FRMD4A: variants seen among roughly 807,000 people sequenced by gnomAD.
FRMD4A encodes FERM domain containing 4A, also known as FERM domain-containing protein 4A.
In FRMD4A, 29 loss-of-function variants were observed where a neutral mutation model predicts 129.1. The ratio of observed to expected loss-of-function variants is 0.22; its 90% CI spans 0.17 to 0.31. The LOEUF (loss-of-function observed/expected upper bound fraction) is 0.31, where lower values mean the gene tolerates loss of function less well. Ranked by LOEUF, FRMD4A falls within the 10% of genes least tolerant of loss-of-function variation. FRMD4A has a pLI of 1.00. For synonymous variants in FRMD4A, 634 were observed against 571.6 expected, an observed-to-expected ratio of 1.11 and a Z score of -1.56; for missense variants, 1,272 against 1,375.8, an observed-to-expected ratio of 0.92 and a Z score of 1.19.
intron 2 of FRMD4A, among the ~76,000 whole-genome samples, chr10:14,279,088 T>C (rs1845433921): frequency 1.3e-5 from 2 of 152,024 alleles, no homozygotes; most frequent in African/African-American, 4.8e-5. Flanking sequence ...GCAGTGAACC[T>C]GATGGCCTTG....
intron 2 of FRMD4A, chr10:13,891,830 C>G (rs2094701380): frequency 1.3e-6 from 1 of 769,616 alleles, no homozygotes; most frequent in Non-Finnish European, 1.6e-6. Flanking sequence ...TCGCGCCTCT[C>G]GCGCCGAGCC....
At chr10:14,182,688 A>G (rs7901509) in intron 2 of FRMD4A, among the ~76,000 whole-genome samples, 52,871 of 152,034 alleles carry the variant, frequency 0.35, 9,301 homozygotes, top group African/African-American at 0.37. Context: ...GTGGACACAT[A>G]TGCTGAGAAC....
chr10:14,219,826 T>A (rs1175698050), intron 2 of FRMD4A, among the ~76,000 whole-genome samples: 1 of 152,118 alleles, frequency 6.6e-6, no homozygotes, highest in East Asian at 1.9e-4. Context: ...ATGTTTTTGG[T>A]CAAGACTTGA....
intron 2 of FRMD4A, among the ~76,000 whole-genome samples, chr10:13,921,098 T>A (rs1360661473): frequency 6.6e-6 from 1 of 152,128 alleles, no homozygotes; most frequent in Non-Finnish European, 1.5e-5. Context: ...ACGAGCACCA[T>A]TGGATTTTGG....
At chr10:13,997,330 C>CG (rs2095626148) in intron 2 of FRMD4A, among the ~76,000 whole-genome samples, 1 of 152,140 alleles carries the variant, frequency 6.6e-6, no homozygotes, top group African/African-American at 2.4e-5. Flanking sequence ...AGAGTCTCTA[C>CG]CATGGTCTCT....
At chr10:13,974,349 G>T (rs1287637192) in intron 2 of FRMD4A, among the ~76,000 whole-genome samples, 1 of 152,076 alleles carries the variant, frequency 6.6e-6, no homozygotes, top group Non-Finnish European at 1.5e-5. Flanking sequence ...GGGATGAGTG[G>T]CGTGCTTTAG....
At chr10:14,063,672 T>A (rs951411577) in intron 2 of FRMD4A, among the ~76,000 whole-genome samples, 1 of 152,100 alleles carries the variant, frequency 6.6e-6, no homozygotes, top group African/African-American at 2.4e-5. Flanking sequence ...TATCTCTTAA[T>A]AACTATCTGG....
intron 2 of FRMD4A, among the ~76,000 whole-genome samples, chr10:14,177,120 G>T (rs751761511): frequency 2.0e-5 from 3 of 152,170 alleles, no homozygotes; most frequent in Non-Finnish European, 4.4e-5. Context: ...GAACAGGTTT[G>T]CACTGTTTGT....
intron 2 of FRMD4A, among the ~76,000 whole-genome samples, chr10:13,889,292 T>A (rs1564981509): frequency 6.6e-6 from 1 of 152,226 alleles, no homozygotes; most frequent in Non-Finnish European, 1.5e-5. Flanking sequence ...ACTCAAGAGC[T>A]CTTTCCTTGG....
intron 2 of FRMD4A, among the ~76,000 whole-genome samples, chr10:14,320,505 T>C (rs1207115831): frequency 6.6e-6 from 1 of 152,214 alleles, no homozygotes; most frequent in Non-Finnish European, 1.5e-5. Flanking sequence ...CTTTTCAAAA[T>C]AGCTTAACGC....
At chr10:13,864,359 A>G (rs2094336918) in intron 2 of FRMD4A, among the ~76,000 whole-genome samples, 1 of 151,072 alleles carries the variant, frequency 6.6e-6, no homozygotes, top group Non-Finnish European at 1.5e-5. Context: ...AAAAAAGAAA[A>G]AAAGAAAAGA....
chr10:13,951,638 C>T (rs1401420073), intron 2 of FRMD4A, among the ~76,000 whole-genome samples: 1 of 151,436 alleles, frequency 6.6e-6, no homozygotes, highest in Non-Finnish European at 1.5e-5. Context: ...GCCTGTAATC[C>T]CTGCCCTTTG....
intron 2 of FRMD4A, among the ~76,000 whole-genome samples, chr10:14,060,571 C>T (rs989939388): frequency 2.0e-5 from 3 of 152,086 alleles, no homozygotes; most frequent in Non-Finnish European, 4.4e-5. Context: ...AAGCACTGGG[C>T]CTATTTTATT....
chr10:14,165,475 A>G (rs951715439), intron 2 of FRMD4A, among the ~76,000 whole-genome samples: 20 of 152,246 alleles, frequency 1.3e-4, no homozygotes, highest in African/African-American at 4.1e-4. Flanking sequence ...AGAACTAAAA[A>G]TAGAACTACT....
At chr10:13,801,059 C>T (rs2093242746) in intron 4 of FRMD4A, among the ~76,000 whole-genome samples, 1 of 152,134 alleles carries the variant, frequency 6.6e-6, no homozygotes, top group Non-Finnish European at 1.5e-5. Flanking sequence ...CCATCCTGGC[C>T]AACATGCTGA....
Position 13,656,899 on chromosome 10 carries a change from G to A in FRMD4A, c.2690C>T (p.Thr897Met), listed in dbSNP as rs529793716. The A allele has an allele frequency of 4.8e-5, 71 of 1,484,868 alleles. No individual in the cohort carries two copies. Among genetic ancestry groups the A allele is most frequent in the Non-Finnish European group, 5.6e-5 (63 of 1,124,458 alleles). 92.0% of individuals were successfully genotyped at this position (1,484,868 alleles called of 1,614,324 possible). ...GGDEGDTGRL[T>M]PSRSQILRTP... ...CCGCAGGATCTGCGATCGCGACGGC[G>A]TCAGGCGGCCCGTGTCGCCCTCGTC... Residue 897 changes from threonine to methionine, a missense_variant, in exon 22 of 25, where the codon ACG (threonine) becomes ATG (methionine). By Grantham distance (81) the Thr-to-Met change is moderately conservative. Coordinates refer to ENST00000357447, the MANE Select transcript of FRMD4A (RefSeq NM_018027.5).
intron 2 of FRMD4A, among the ~76,000 whole-genome samples, chr10:14,261,426 T>G (rs988203770): frequency 6.6e-6 from 1 of 152,124 alleles, no homozygotes; most frequent in African/African-American, 2.4e-5. Flanking sequence ...GGGTATTCAG[T>G]TTTCCTGAAC....
chr10:13,989,406 A>C (rs576097879), intron 2 of FRMD4A, among the ~76,000 whole-genome samples: 1 of 151,804 alleles, frequency 6.6e-6, no homozygotes, highest in Non-Finnish European at 1.5e-5. Flanking sequence ...GCCAGGCTGG[A>C]GTGTAGTGGC....
chr10:13,648,495 G>T (rs2081293583), intron 24 of FRMD4A: 1 of 152,216 alleles, frequency 6.6e-6, no homozygotes. Flanking sequence ...ACTCCCGTGG[G>T]GGCCAGGGGA....
Sources: gnomAD v4.1 joint callset for allele counts (sites outside exome capture counted in the v4.1 genomes callset) on GRCh38, gnomAD v4.1.1 for gene constraint, MANE v1.5 for transcripts, NCBI Gene and HGNC (gene_info 2026-07-23, HGNC 2026-07-21) for gene names.